Variants in SLC38A2 observed in about 807,000 individuals in gnomAD.
SLC38A2 encodes sodium-coupled neutral amino acid symporter 2.
SLC38A2 carries 11 observed loss-of-function variants against 61.5 expected under a neutral mutation model. The ratio of observed to expected loss-of-function variants is 0.18; its 90% confidence interval spans 0.11 to 0.30. The LOEUF (loss-of-function observed/expected upper bound fraction) is 0.30. Ranked by LOEUF, SLC38A2 falls within the 10% of genes least tolerant of loss-of-function variation. The pLI is 1.00. For synonymous variants in SLC38A2, 217 were observed against 212.5 expected, an observed-to-expected ratio of 1.02 and a Z score of -0.18; for missense variants, 522 against 600.4, an observed-to-expected ratio of 0.87 and a Z score of 1.36.
At chr12:46,362,087 A>C (rs556895614) in intron 15 of SLC38A2, 197 bp downstream of exon 15, 10 of 503,276 alleles carry the variant, frequency 2.0e-5, no homozygotes, top group African/African-American at 1.8e-4. Flanking sequence ...CAATTAATTT[A>C]AGTGTTCATT....
At chr12:46,362,822 T>C in intron 13 of SLC38A2, 184 bp from the exon 14 acceptor site, 1 of 935,586 alleles carries the variant, frequency 1.1e-6, no homozygotes, top group Non-Finnish European at 1.5e-6. Flanking sequence ...TTAAAGATCA[T>C]TTTATATCTT....
Position 46,366,832 on chromosome 12 carries a change from G to T in SLC38A2, c.563+32C>A, listed in dbSNP as rs1218383963. ...TATCTAACCACTTTTGACTATAATT[G>T]TTTCTTATGAGTAACCTTACTTAGC... is the stretch of plus-strand genomic sequence containing the variant. On this transcript the variant is annotated intron_variant, in intron 7 of 15. Transcript: ENST00000256689. 11 of 1,561,164 alleles carry T rather than the reference G, an allele frequency of 7.0e-6. No homozygotes were observed. In the Middle Eastern group the frequency reaches 1.2e-3, roughly 171 times the overall value.
At chr12:46,368,907 AG>A (rs1943166424) in intron 4 of SLC38A2, among the ~76,000 whole-genome samples, 1 of 152,224 alleles carries the variant, frequency 6.6e-6, no homozygotes, top group African/African-American at 2.4e-5. Flanking sequence ...GGTTAGCTAC[AG>A]GGTTGCTGAA....
At chr12:46,368,511 G>C (rs984202882) in intron 4 of SLC38A2, among the ~76,000 whole-genome samples, 22 of 152,160 alleles carry the variant, frequency 1.4e-4, no homozygotes, top group Non-Finnish European at 2.8e-4. Context: ...GGAGAGCCCA[G>C]AGATACAGAC....
In SLC38A2 at chr12:46,360,595, G is replaced by A. The variant is rs1943070920; in HGVS notation, c.*516C>T. On this transcript the variant is annotated 3_prime_UTR_variant, in exon 16 of 16. Coordinates refer to ENST00000256689, the MANE Select transcript of SLC38A2 (RefSeq NM_018976.5). ...TATTTTATGGAATTTATTGATAACT[G>A]CTTCTGAATAAAGTTCAAAAAAGCA... 1 of 152,282 alleles carries A rather than the reference G, an allele frequency of 6.6e-6. No individual in the cohort carries two copies. The highest frequency in any genetic ancestry group is 1.5e-5 in the Non-Finnish European group (1 of 68,030). The allele number at this position is 152,282 out of a possible 1,614,324, so 9.4% of individuals were successfully genotyped here.
At chr12:46,371,108 G>C in intron 2 of SLC38A2, 70 bp downstream of exon 2, 1 of 1,241,302 alleles carries the variant, frequency 8.1e-7, no homozygotes, top group South Asian at 1.2e-5. Context: ...AATGGAAGCA[G>C]AGTCCTAGGT....
Position 46,360,941 on chromosome 12 carries a change from AAAAAC to A in SLC38A2, c.*165_*169del, listed in dbSNP as rs1430640243. 52 of 572,618 alleles carry A rather than the reference AAAAAC, an allele frequency of 9.1e-5. No homozygotes were observed. Among genetic ancestry groups the A allele is most frequent in the African/African-American group, 5.5e-4 (29 of 52,826 alleles). 35.5% of individuals were successfully genotyped at this position (572,618 alleles called of 1,614,324 possible). ...TCTAACATACAGATAAGTTTCTTAA[AAAAAC>A]AAAACAAAACAAAAAAGTTCACTTA... On this transcript the variant is annotated 3_prime_UTR_variant, in exon 16 of 16. Coordinates refer to ENST00000256689, the MANE Select transcript of SLC38A2 (RefSeq NM_018976.5).
At chr12:46,369,006 T>C (rs1943167463) in intron 4 of SLC38A2, among the ~76,000 whole-genome samples, 1 of 152,212 alleles carries the variant, frequency 6.6e-6, no homozygotes, top group South Asian at 2.1e-4. Context: ...AATCACACTT[T>C]AGCAATCTTA....
rs1419277407 is a variant in SLC38A2 at position 46,360,024 on chromosome 12, C to G, written c.*1087G>C. 2 of 152,646 alleles carry G rather than the reference C, an allele frequency of 1.3e-5. No individual in the cohort carries two copies. Among genetic ancestry groups the G allele is most frequent in the Non-Finnish European group, 2.9e-5 (2 of 68,044 alleles). The allele number at this position is 152,646 out of a possible 1,614,324, so 9.5% of individuals were successfully genotyped here. ...GCCATACATTGTCAAGTAATTCACA[C>G]TTCCAGTAGGTGAGCATTTTGAAAA... On this transcript the variant is annotated 3_prime_UTR_variant, in exon 16 of 16. Coordinates refer to ENST00000256689, the MANE Select transcript of SLC38A2 (RefSeq NM_018976.5).
rs1316275033 is a variant in SLC38A2 at position 46,358,741 on chromosome 12, AG to A, written c.*2369del. ...ATATGGACAGACAATATATGTACAT[AG>A]ATTATCATAAATATTGAAAAATAGG... On this transcript the variant is annotated 3_prime_UTR_variant, in exon 16 of 16. Coordinates refer to ENST00000256689, the MANE Select transcript of SLC38A2 (RefSeq NM_018976.5). 1.3e-5 allele frequency: 2 copies of A among 152,670 alleles called. No individual in the cohort carries two copies. The highest frequency in any genetic ancestry group is 2.4e-5 in the African/African-American group (1 of 41,462). The allele number at this position is 152,670 out of a possible 1,614,324, so 9.5% of individuals were successfully genotyped here.
intron 7 of SLC38A2, chr12:46,365,442 C>T: frequency 1.8e-6 from 1 of 546,038 alleles, no homozygotes; most frequent in South Asian, 2.7e-5. Context: ...GGGAAGGCTG[C>T]CAGCTGATTC....
At chr12:46,362,941 T>C (rs1943099171) in intron 13 of SLC38A2, 80 bp downstream of exon 13, 1 of 1,556,710 alleles carries the variant, frequency 6.4e-7, no homozygotes. Context: ...GTTTCCCTTC[T>C]TCCAGAAGAT....
intron 4 of SLC38A2, among the ~76,000 whole-genome samples, chr12:46,368,016 T>C (rs1325410924): frequency 1.3e-5 from 2 of 152,076 alleles, no homozygotes; most frequent in Middle Eastern, 3.2e-3. Flanking sequence ...TGTACACCTA[T>C]AGTCTCAGCT....
chr12:46,359,837 C>T lies in SLC38A2; in HGVS notation c.*1274G>A, dbSNP rs146409626. The T allele has an allele frequency of 2.6e-5, 4 of 152,720 alleles. No homozygotes were observed. The highest frequency in any genetic ancestry group is 2.1e-4 in the South Asian group (1 of 4,828). 9.5% of individuals were successfully genotyped at this position (152,720 alleles called of 1,614,324 possible). A position where few individuals can be genotyped will look rare whatever the true frequency, so the allele number is the denominator to read the frequency against. On this transcript the variant is annotated 3_prime_UTR_variant, in exon 16 of 16. Coordinates refer to ENST00000256689, the MANE Select transcript of SLC38A2 (RefSeq NM_018976.5). ...TGTTGGATGTAAACAAGTAATTCTA[C>T]GTTGTACAAGAATGAGATGACAGTC...
At position 46,362,643 on chromosome 12, in the gene SLC38A2, A is replaced by C. The variant is rs1943094307; in HGVS notation, c.1180-5T>G. 6.5e-7 allele frequency: 1 copy of C among 1,539,110 alleles called. No homozygotes were observed. Among genetic ancestry groups the C allele is most frequent in the Non-Finnish European group, 8.7e-7 (1 of 1,152,512 alleles). On this transcript the variant is annotated splice_region_variant and splice_polypyrimidine_tract_variant and intron_variant, in intron 13 of 15. Transcript: ENST00000256689. The stretch of plus-strand genomic sequence containing the variant: ...GTGAGTTACAGAACTCCGGATCTGC[A>C]AAAAAAATAAATAAAATGTATTTTA...
chr12:46,362,228 A>T, intron 15 of SLC38A2, 56 bp downstream of exon 15: 4 of 1,359,828 alleles, frequency 2.9e-6, no homozygotes, highest in Middle Eastern at 4.9e-4. Context: ...AATTAAAATC[A>T]GTTGGGGAAA....
chr12:46,364,271 C>T, intron 10 of SLC38A2, 118 bp downstream of exon 10: 9 of 1,093,948 alleles, frequency 8.2e-6, no homozygotes, highest in Non-Finnish European at 1.2e-5. Flanking sequence ...CAATAATTAG[C>T]TAATCACATG....
At chr12:46,363,646 C>A in intron 12 of SLC38A2, 80 bp downstream of exon 12, 1 of 809,032 alleles carries the variant, frequency 1.2e-6, no homozygotes, top group Admixed American at 2.8e-5. Context: ...TGGAACTACA[C>A]ATAGAAAACT....
In SLC38A2 at chr12:46,367,292, G is replaced by A. The variant is rs1351093740; in HGVS notation, c.363C>T (p.Leu121=). ...VSIFSLYSVH[L]LLKTANEGGS... ...CTCCTTCATTGGCAGTCTTCAAAAG[G>A]AGATGAACAGAATACAGGGAAAATA... Residue 121 remains leucine (L), a synonymous_variant, in exon 5 of 16, where the codon CTC becomes CTT. Coordinates refer to ENST00000256689, the MANE Select transcript of SLC38A2 (RefSeq NM_018976.5). 1.2e-6 allele frequency: 2 copies of A among 1,603,314 alleles called. No individual in the cohort carries two copies. Among genetic ancestry groups the A allele is most frequent in the Non-Finnish European group, 1.7e-6 (2 of 1,170,472 alleles).
Sources: allele counts gnomAD v4.1 joint callset (sites outside exome capture counted in the v4.1 genomes callset), GRCh38; gene constraint gnomAD v4.1.1; transcripts MANE v1.5; gene names NCBI Gene and HGNC (gene_info 2026-07-23, HGNC 2026-07-21).